Variants in PPP1R12A observed in about 807,000 individuals in gnomAD.
PPP1R12A encodes the protein protein phosphatase 1 regulatory subunit 12A.
In PPP1R12A, 19 loss-of-function variants were observed where a neutral mutation model predicts 139.6. That is an observed-to-expected ratio of 0.14 (90% confidence interval 0.09 to 0.20). The LOEUF (loss-of-function observed/expected upper bound fraction) is 0.20. PPP1R12A is among the 10% of genes least tolerant of loss of function. The pLI, the probability that PPP1R12A is intolerant of heterozygous loss-of-function variation, is 1.00. For missense variants in PPP1R12A, 925 were observed against 1,211.5 expected (o/e 0.76, Z 3.51); for synonymous variants, 427 against 420.6 (o/e 1.02, Z -0.19).
chr12:79,790,986 A>G (rs756522726), intron 19 of PPP1R12A, among the ~76,000 whole-genome samples: 11 of 152,148 alleles, frequency 7.2e-5, no homozygotes, highest in Non-Finnish European at 1.3e-4. Context: ...TTTAAAGTCT[A>G]TTTTGGACTA....
intron 1 of PPP1R12A, among the ~76,000 whole-genome samples, chr12:79,898,710 C>T (rs1013220024): frequency 6.6e-6 from 1 of 152,064 alleles, no homozygotes; most frequent in African/African-American, 2.4e-5. Flanking sequence ...TTTAGCCAAA[C>T]AAAACCAATC....
chr12:79,847,374 T>A lies in PPP1R12A; in HGVS notation c.369-1954A>T, dbSNP rs77974808. The stretch of plus-strand genomic sequence containing the variant: ...ATAGACAGTTGAAATTCACAATTTT[T>A]AAAAAATTTTCCCAACATCATGAAG... On this transcript the variant is annotated intron_variant, in intron 2 of 24. Coordinates refer to ENST00000450142, the MANE Select transcript of PPP1R12A (RefSeq NM_002480.3). 8.2e-3 allele frequency among the ~76,000 whole-genome samples: 1,246 copies of A among 152,352 alleles called. 32 individuals carry two copies. Among genetic ancestry groups the A allele is most frequent in the East Asian group, 0.066 (340 of 5,190 alleles).
At chr12:79,795,243 A>G (rs1872380645) in intron 18 of PPP1R12A, among the ~76,000 whole-genome samples, 1 of 152,184 alleles carries the variant, frequency 6.6e-6, no homozygotes, top group Non-Finnish European at 1.5e-5. Context: ...GTGTCTATTT[A>G]GCATGCTTTG....
At chr12:79,879,944 A>G (rs1341824100) in intron 1 of PPP1R12A, among the ~76,000 whole-genome samples, 1 of 152,078 alleles carries the variant, frequency 6.6e-6, no homozygotes, top group African/African-American at 2.4e-5. Context: ...TTTAACTTCC[A>G]TGCCTTGCCT....
intron 4 of PPP1R12A, among the ~76,000 whole-genome samples, chr12:79,830,504 T>G (rs926903791): frequency 2.6e-5 from 4 of 152,182 alleles, no homozygotes; most frequent in African/African-American, 9.6e-5. Flanking sequence ...AAAAAACAAA[T>G]TCCTAGAGGT....
intron 1 of PPP1R12A, among the ~76,000 whole-genome samples, chr12:79,901,649 A>C (rs769583018): frequency 1.8e-4 from 28 of 152,222 alleles, no homozygotes; most frequent in Admixed American, 3.3e-4. Flanking sequence ...CAAAAATTAG[A>C]TTAAGATCCA....
chr12:79,894,450 T>A (rs1884947655), intron 1 of PPP1R12A, among the ~76,000 whole-genome samples: 3 of 152,108 alleles, frequency 2.0e-5, no homozygotes, highest in Admixed American at 2.0e-4. Flanking sequence ...GGGATTCCCA[T>A]GGATAGAAAG....
At chr12:79,792,234 T>A (rs1406975795) in intron 19 of PPP1R12A, among the ~76,000 whole-genome samples, 1 of 152,168 alleles carries the variant, frequency 6.6e-6, no homozygotes, top group East Asian at 1.9e-4. Flanking sequence ...TCTTCCTTTT[T>A]CTCATGGTAT....
chr12:79,873,058 A>G, intron 1 of PPP1R12A, 120 bp from the exon 2 acceptor site: 1 of 1,087,782 alleles, frequency 9.2e-7, no homozygotes, highest in South Asian at 1.7e-5. Context: ...CTGTAAATAA[A>G]TCTGCTGCTA....
At chr12:79,909,273 T>A (rs978267743) in intron 1 of PPP1R12A, among the ~76,000 whole-genome samples, 2 of 152,210 alleles carry the variant, frequency 1.3e-5, no homozygotes, top group African/African-American at 4.8e-5. Context: ...GCCTAAGGCA[T>A]GTCTGTTATA....
intron 2 of PPP1R12A, among the ~76,000 whole-genome samples, chr12:79,852,216 G>T: frequency 6.8e-6 from 1 of 147,830 alleles, no homozygotes; most frequent in Non-Finnish European, 1.5e-5. Context: ...TTTGAGACAG[G>T]GTCTCACTCT....
In PPP1R12A at chr12:79,775,527, C is replaced by A. The variant is rs1336014716; in HGVS notation, c.*402G>T. On this transcript the variant is annotated 3_prime_UTR_variant, in exon 25 of 25. Coordinates refer to ENST00000450142, the MANE Select transcript of PPP1R12A (RefSeq NM_002480.3). Reference sequence around the variant, plus strand: ...ACATCAAAAAATGTTGAGTAACTGTCTTCTGTGAGAGCTGAAAGTTTTTGT... The same window carrying A: ...ACATCAAAAAATGTTGAGTAACTGTATTCTGTGAGAGCTGAAAGTTTTTGT... The A allele has an allele frequency of 6.5e-6, 1 of 153,372 alleles. No homozygotes were observed. Among genetic ancestry groups the A allele is most frequent in the Non-Finnish European group, 1.5e-5 (1 of 68,642 alleles). The allele number at this position is 153,372 out of a possible 1,614,324, so 9.5% of individuals were successfully genotyped here.
At chr12:79,876,088 T>C (rs193061149) in intron 1 of PPP1R12A, among the ~76,000 whole-genome samples, 12 of 152,292 alleles carry the variant, frequency 7.9e-5, no homozygotes, top group Admixed American at 7.2e-4. Context: ...ATAAATAAGA[T>C]ATGACTGTAT....
chr12:79,790,484 C>A lies in PPP1R12A; in HGVS notation c.2650-1G>T. The A allele has an allele frequency of 7.2e-7, 1 of 1,380,486 alleles. No individual in the cohort carries two copies. Among genetic ancestry groups the A allele is most frequent in the South Asian group, 1.5e-5 (1 of 67,296 alleles). 85.5% of individuals were successfully genotyped at this position (1,380,486 alleles called of 1,614,324 possible). A position where few individuals can be genotyped will look rare whatever the true frequency, so the allele number is the denominator to read the frequency against. ...AAACATACCTAGAAATGGAATCCGTCTGGAAAGAAAGAGAAAAACATAGGC... is the reference window on the plus strand; with the variant it reads ...AAACATACCTAGAAATGGAATCCGTATGGAAAGAAAGAGAAAAACATAGGC... On this transcript the variant is annotated splice_acceptor_variant, in intron 19 of 24. Coordinates refer to ENST00000450142, the MANE Select transcript of PPP1R12A (RefSeq NM_002480.3). LOFTEE classifies it high-confidence loss of function.
chr12:79,786,580 A>G lies in PPP1R12A; in HGVS notation c.2803-102T>C, dbSNP rs547407339. ...CAATATTAAAACAGCTTAATGTAGC[A>G]TATGAGCTATAAAGGATACATTTAA... On this transcript the variant is annotated intron_variant, in intron 21 of 24. Coordinates refer to ENST00000450142, the MANE Select transcript of PPP1R12A (RefSeq NM_002480.3). 3 of 690,756 alleles carry G rather than the reference A, an allele frequency of 4.3e-6. No homozygotes were observed. In the African/African-American group the frequency reaches 5.6e-5, roughly 13 times the overall value. The allele number at this position is 690,756 out of a possible 1,614,324, so 42.8% of individuals were successfully genotyped here.
At chr12:79,849,958 G>A (rs1879852712) in intron 2 of PPP1R12A, among the ~76,000 whole-genome samples, 1 of 151,740 alleles carries the variant, frequency 6.6e-6, no homozygotes, top group Admixed American at 6.6e-5. Flanking sequence ...CTAGTTGCTA[G>A]GAATACAAGA....
intron 1 of PPP1R12A, among the ~76,000 whole-genome samples, chr12:79,931,563 G>A (rs2136978025): frequency 6.6e-6 from 1 of 152,128 alleles, no homozygotes; most frequent in East Asian, 1.9e-4. Flanking sequence ...TCAGCAATAA[G>A]GCATTCTATA....
chr12:79,801,341 G>T (rs1208815097), intron 14 of PPP1R12A, among the ~76,000 whole-genome samples: 2 of 42,142 alleles, frequency 4.7e-5, no homozygotes, highest in East Asian at 5.3e-4. Context: ...GCAAAACTCT[G>T]TCTCAAAAAA....
In PPP1R12A at chr12:79,793,889, C is replaced by T; in HGVS notation, c.2623G>A (p.Glu875Lys). ...TGAGTTTCTTTCTTATTGGATCCCT[C>T]TTCTGTGTCTGATTGTTGTTCTTGT... is the stretch of plus-strand genomic sequence containing the variant. ...NEQEQQSDTE[E>K]GSNKKETQTD... The change falls in exon 19 of 25, where the codon GAG (glutamate) becomes AAG (lysine). Residue 875 changes from glutamate (E) to lysine (K), a missense_variant. Physicochemically the swap from Glu to Lys is moderately conservative, Grantham distance 56 (BLOSUM62 1). This residue lies in a region of PPP1R12A where 315 missense variants were observed against 363.4 expected (regional missense o/e 0.87). Coordinates refer to ENST00000450142, the MANE Select transcript of PPP1R12A (RefSeq NM_002480.3). The T allele has an allele frequency of 6.3e-7, 1 of 1,595,256 alleles. No individual in the cohort carries two copies. The highest frequency in any genetic ancestry group is 1.7e-5 in the Admixed American group (1 of 58,400).
Sources: allele counts gnomAD v4.1 joint callset (sites outside exome capture counted in the v4.1 genomes callset), GRCh38; gene constraint gnomAD v4.1.1; regional missense constraint gnomAD v4.1.1; transcripts MANE v1.5; gene names NCBI Gene and HGNC (gene_info 2026-07-23, HGNC 2026-07-21).